MEIS1: variants seen among roughly 807,000 people sequenced by gnomAD.
MEIS1 encodes the protein Meis homeobox 1, also known as homeobox protein Meis1.
A neutral mutation model predicts 50.8 loss-of-function variants in MEIS1; 5 were observed. The observed-to-expected ratio is 0.10, with a 90% confidence interval of 0.05 to 0.21. The LOEUF is 0.21. Ranked by LOEUF, MEIS1 falls within the 10% of genes least tolerant of loss-of-function variation. The probability of loss-of-function intolerance (pLI) is 1.00; values close to 1 mark genes in which losing one functional copy is unlikely to be tolerated. For missense variants in MEIS1, 318 were observed against 517.3 expected (o/e 0.61, Z 3.74); for synonymous variants, 176 against 179.3 (o/e 0.98, Z 0.15).
At chr2:66,542,552 T>G in intron 8 of MEIS1, among the ~76,000 whole-genome samples, 1 of 152,216 alleles carries the variant, frequency 6.6e-6, no homozygotes, top group East Asian at 1.9e-4. Flanking sequence ...AAGTATAGCA[T>G]GTAACATTTT....
At chr2:66,533,541 A>AAGAT (rs2103899227) in intron 8 of MEIS1, among the ~76,000 whole-genome samples, 1 of 152,220 alleles carries the variant, frequency 6.6e-6, no homozygotes, top group East Asian at 1.9e-4. Context: ...AACACTCTTT[A>AAGAT]AGTTAGAATC....
chr2:66,543,947 G>A (rs904916444), intron 8 of MEIS1, among the ~76,000 whole-genome samples: 6 of 152,230 alleles, frequency 3.9e-5, no homozygotes, highest in Admixed American at 3.9e-4. Flanking sequence ...TATCTGGGAA[G>A]TGCCATCCAT....
intron 6 of MEIS1, among the ~76,000 whole-genome samples, chr2:66,447,518 A>G (rs966350090): frequency 6.6e-5 from 10 of 152,196 alleles, no homozygotes; most frequent in Admixed American, 6.5e-4. Context: ...GCTTGTCACT[A>G]CACTGGCTAA....
intron 9 of MEIS1, chr2:66,562,209 G>C (rs11126082): frequency 0.4 from 61,231 of 151,242 alleles, 12,639 homozygotes; most frequent in Non-Finnish European, 0.45. Flanking sequence ...CACCTCTCCT[G>C]GTTCTCACAG....
chr2:66,523,275 T>C (rs1674171816), intron 8 of MEIS1, among the ~76,000 whole-genome samples: 1 of 152,246 alleles, frequency 6.6e-6, no homozygotes, highest in Non-Finnish European at 1.5e-5. Context: ...CCTCATAGAC[T>C]TCAGGACAGA....
intron 8 of MEIS1, among the ~76,000 whole-genome samples, chr2:66,531,748 G>A (rs1275080783): frequency 6.6e-6 from 1 of 152,202 alleles, no homozygotes; most frequent in African/African-American, 2.4e-5. Flanking sequence ...GGCTGCGGAC[G>A]AAGGCCCTGT....
intron 8 of MEIS1, among the ~76,000 whole-genome samples, chr2:66,529,390 G>A (rs2103890005): frequency 6.6e-6 from 1 of 152,232 alleles, no homozygotes; most frequent in South Asian, 2.1e-4. Context: ...CCTGATACAG[G>A]GGTTAGGATA....
At chr2:66,485,259 A>G (rs1343202177) in intron 7 of MEIS1, among the ~76,000 whole-genome samples, 2 of 151,362 alleles carry the variant, frequency 1.3e-5, no homozygotes, top group Non-Finnish European at 2.9e-5. Flanking sequence ...CTCCCCTTGC[A>G]CCCCACCCCG....
intron 7 of MEIS1, among the ~76,000 whole-genome samples, chr2:66,508,099 A>G (rs1011467605): frequency 6.6e-5 from 10 of 152,252 alleles, no homozygotes; most frequent in Non-Finnish European, 1.0e-4. Context: ...TTTGACATAT[A>G]GTGCATGGTT....
At chr2:66,562,038 A>ATTTTTTTTTTTTTTTTGTTTTTTTTTTTT (rs1675226098) in intron 9 of MEIS1, 1 of 61,274 alleles carries the variant, frequency 1.6e-5, no homozygotes, top group Non-Finnish European at 2.8e-5. Flanking sequence ...TGAGCAAGTA[A>ATTTTTTTTTTTTTTTTGTTTTTTTTTTTT]TTTTTTTTTT....
chr2:66,520,196 C>A (rs972254389), intron 8 of MEIS1, among the ~76,000 whole-genome samples: 3 of 151,872 alleles, frequency 2.0e-5, no homozygotes, highest in African/African-American at 7.3e-5. Context: ...GCCAGTTGGC[C>A]GGGCGCGGTG....
intron 10 of MEIS1, 160 bp downstream of exon 10, chr2:66,567,671 ATTTAACATCATTATAAAACGTT>A: frequency 1.4e-6 from 1 of 716,580 alleles, no homozygotes; most frequent in South Asian, 1.5e-5. Flanking sequence ...ACACTAATCA[ATTTAACATCATTATAAAACGTT>A]TGGAGAAGGT....
rs191788947 is a variant in MEIS1, at chr2:66,484,433, A to G, written c.742+20213A>G. 7.4e-4 allele frequency among the ~76,000 whole-genome samples: 113 copies of G among 152,236 alleles called. No individual in the cohort carries two copies. In the South Asian group the frequency reaches 9.1e-3, roughly 12 times the overall value. ...CTCTCATGACATAGCAAAGTGCTTA[A>G]ATTTTTTATATTAGCTGCAAGCCCA... On this transcript the variant is annotated intron_variant, in intron 7 of 12. Coordinates refer to ENST00000272369, the MANE Select transcript of MEIS1 (RefSeq NM_002398.3).
intron 6 of MEIS1, among the ~76,000 whole-genome samples, chr2:66,463,472 TAAG>T (rs1042171369): frequency 1.3e-5 from 2 of 152,172 alleles, no homozygotes; most frequent in African/African-American, 4.8e-5. Flanking sequence ...CACCCAGTGA[TAAG>T]AAGCAACATC....
chr2:66,442,264 TTTTTGTAAAAAAAAAA>T lies in MEIS1; in HGVS notation c.484-637_484-622del, dbSNP rs1253266881. Reference sequence around the variant, plus strand: ...AAATATTTTGAGGCATTCCTTCTCCTTTTTGTAAAAAAAAAAAAAAAAAAAAAAAATCAATTTGATA... The same window carrying T: ...AAATATTTTGAGGCATTCCTTCTCCTAAAAAAAAAAAAAATCAATTTGATA... On this transcript the variant is annotated intron_variant, in intron 5 of 12. Transcript: ENST00000272369. Among the ~76,000 whole-genome samples the T allele has an allele frequency of 8.6e-5, 11 of 128,470 alleles. No individual in the cohort carries two copies. In the East Asian group the frequency reaches 2.1e-3, roughly 24 times the overall value. The allele number at this position is 128,470 out of a possible 152,430, so 84.3% of individuals were successfully genotyped here. A position where few individuals can be genotyped will look rare whatever the true frequency, so the allele number is the denominator to read the frequency against.
intron 7 of MEIS1, among the ~76,000 whole-genome samples, chr2:66,464,825 G>C (rs560471273): frequency 1.1e-4 from 16 of 152,336 alleles, no homozygotes; most frequent in African/African-American, 3.8e-4. Flanking sequence ...GTGTATGTGA[G>C]TGTCCATGGA....
At chr2:66,453,144 G>T (rs1479799923) in intron 6 of MEIS1, among the ~76,000 whole-genome samples, 2 of 151,952 alleles carry the variant, frequency 1.3e-5, no homozygotes, top group East Asian at 3.8e-4. Flanking sequence ...CATCCTAATA[G>T]TGAATTGTTT....
At chr2:66,471,738 G>A (rs914896263) in intron 7 of MEIS1, among the ~76,000 whole-genome samples, 2 of 152,148 alleles carry the variant, frequency 1.3e-5, no homozygotes, top group African/African-American at 4.8e-5. Flanking sequence ...TCACTCAGTT[G>A]GCTGTAAATT....
At chr2:66,461,874 G>A (rs1050633928) in intron 6 of MEIS1, 2 of 470,712 alleles carry the variant, frequency 4.2e-6, no homozygotes, top group Non-Finnish European at 4.4e-6. Flanking sequence ...GAAGAAAAAT[G>A]GTGATGAAAA....
Sources: allele counts gnomAD v4.1 joint callset (sites outside exome capture counted in the v4.1 genomes callset), GRCh38; gene constraint gnomAD v4.1.1; transcripts MANE v1.5; gene names NCBI Gene and HGNC (gene_info 2026-07-23, HGNC 2026-07-21).